The following RAD54B variants were observed in gnomAD, a reference collection of about 807,000 sequenced individuals.
RAD54B encodes RAD54 homolog B, also known as DNA repair and recombination protein RAD54B.
In RAD54B, 78 loss-of-function variants were observed where a neutral mutation model predicts 95.8. That is an observed-to-expected ratio of 0.81 (90% CI 0.68 to 0.98). The LOEUF is 0.98. RAD54B is among the 50% of genes least tolerant of loss of function. The probability of loss-of-function intolerance (pLI) is 0.00; values close to 1 mark genes in which losing one functional copy is unlikely to be tolerated. For synonymous variants in RAD54B, 328 were observed against 354.9 expected (o/e 0.92, Z 0.85); for missense variants, 957 against 1,056.6 (o/e 0.91, Z 1.31).
At chr8:94,446,768 G>A (rs1478185748) in intron 3 of RAD54B, among the ~76,000 whole-genome samples, 1 of 152,104 alleles carries the variant, frequency 6.6e-6, no homozygotes, top group Non-Finnish European at 1.5e-5. Flanking sequence ...GTGGCAGGAG[G>A]AGCCAGACCC....
intron 2 of RAD54B, among the ~76,000 whole-genome samples, chr8:94,459,984 C>T (rs962939103): frequency 4.0e-5 from 6 of 151,208 alleles, no homozygotes; most frequent in African/African-American, 1.5e-4. Context: ...TGGTGAAACC[C>T]GGTCTCTACT....
chr8:94,436,541 G>A (rs779188605), intron 3 of RAD54B: 25 of 1,550,012 alleles, frequency 1.6e-5, no homozygotes, highest in Non-Finnish European at 1.9e-5. Flanking sequence ...CTGGAAATCT[G>A]GGGAATCATC....
At position 94,446,110 on chromosome 8, in the gene RAD54B, T is replaced by C. The variant is rs554973479; in HGVS notation, c.304+12158A>G. Among the ~76,000 whole-genome samples, 7 of 152,296 alleles carry C rather than the reference T, an allele frequency of 4.6e-5. No individual in the cohort carries two copies. In the South Asian group the frequency reaches 1.4e-3, roughly 32 times the overall value. ...ACATAGCAAGTAGTGTATTTTAAAGTCTTTAGCCATTAAAAATGTGCAAAG... is the reference window on the plus strand; with the variant it reads ...ACATAGCAAGTAGTGTATTTTAAAGCCTTTAGCCATTAAAAATGTGCAAAG... On this transcript the variant is annotated intron_variant, in intron 3 of 14. Coordinates refer to ENST00000336148, the MANE Select transcript of RAD54B (RefSeq NM_012415.3).
chr8:94,399,459 T>C lies in RAD54B; in HGVS notation c.1333A>G (p.Thr445Ala). Residue 445 changes from threonine (T) to alanine (A), a missense_variant, in exon 8 of 15, where the codon ACA (threonine) becomes GCA (alanine). By Grantham distance (58) the Thr-to-Ala change is moderately conservative. Coordinates refer to ENST00000336148, the MANE Select transcript of RAD54B (RefSeq NM_012415.3). ...TCACAAGAAAGGCTAATGAGGGCTG[T>C]AGTTGTCTTAATGGCACTGTTCTTC... ...RLKNSAIKTT[T>A]ALISLSCEKR... 6.2e-7 allele frequency: 1 copy of C among 1,613,674 alleles called. No homozygotes were observed. The highest frequency in any genetic ancestry group is 8.5e-7 in the Non-Finnish European group (1 of 1,179,680).
At chr8:94,405,405 G>A (rs73271911) in intron 5 of RAD54B, among the ~76,000 whole-genome samples, 20,400 of 152,122 alleles carry the variant, frequency 0.13, 1,971 homozygotes, top group African/African-American at 0.26. Flanking sequence ...ATAGACTCCA[G>A]TAGACTATGT....
chr8:94,378,095 TAA>T, intron 14 of RAD54B, 83 bp downstream of exon 14: 1 of 1,056,446 alleles, frequency 9.5e-7, no homozygotes, highest in Admixed American at 3.1e-5. Context: ...GTAAATATTA[TAA>T]AGTTATTCTT....
intron 3 of RAD54B, among the ~76,000 whole-genome samples, chr8:94,436,119 T>C (rs1264260957): frequency 6.6e-6 from 1 of 152,116 alleles, no homozygotes; most frequent in African/African-American, 2.4e-5. Context: ...TTATATAAAA[T>C]TGAAAATTCC....
intron 14 of RAD54B, 105 bp downstream of exon 14, chr8:94,378,075 T>C: frequency 1.2e-6 from 1 of 816,494 alleles, no homozygotes; most frequent in Non-Finnish European, 1.8e-6. Flanking sequence ...AAAACTAACA[T>C]ATGCAAATGG....
chr8:94,437,899 A>G (rs1241634924), intron 3 of RAD54B, among the ~76,000 whole-genome samples: 4 of 152,228 alleles, frequency 2.6e-5, no homozygotes, highest in Non-Finnish European at 5.9e-5. Flanking sequence ...TATGATACAT[A>G]ATAATGTAAG....
chr8:94,455,932 A>C (rs1812769368), intron 3 of RAD54B, among the ~76,000 whole-genome samples: 1 of 152,174 alleles, frequency 6.6e-6, no homozygotes, highest in Non-Finnish European at 1.5e-5. Context: ...ATTTCCAAAT[A>C]AGTTCACATT....
rs1286174654 is a variant in RAD54B at position 94,475,077 on chromosome 8, A to C, written c.-93T>G. 3.3e-5 allele frequency: 5 copies of C among 152,584 alleles called. No individual in the cohort carries two copies. Among genetic ancestry groups the C allele is most frequent in the African/African-American group, 1.2e-4 (5 of 41,482 alleles). The allele number at this position is 152,584 out of a possible 1,614,324, so 9.5% of individuals were successfully genotyped here. A position where few individuals can be genotyped will look rare whatever the true frequency, so the allele number is the denominator to read the frequency against. Reference sequence around the variant, plus strand: ...ACCAGCTATCCCCTCGCCGCCGGAGAAGCTCAAGGATCCCGCCTCGGCGAA... The same window carrying C: ...ACCAGCTATCCCCTCGCCGCCGGAGCAGCTCAAGGATCCCGCCTCGGCGAA... On this transcript the variant is annotated 5_prime_UTR_variant, in exon 1 of 15. Coordinates refer to ENST00000336148, the MANE Select transcript of RAD54B (RefSeq NM_012415.3).
intron 9 of RAD54B, among the ~76,000 whole-genome samples, chr8:94,393,001 T>C (rs928182446): frequency 1.3e-5 from 2 of 151,204 alleles, no homozygotes; most frequent in African/African-American, 4.9e-5. Context: ...TTTTTGTATT[T>C]TTAGTAGAGA....
intron 3 of RAD54B, chr8:94,430,877 A>T: frequency 1.0e-6 from 1 of 985,388 alleles, no homozygotes; most frequent in Non-Finnish European, 1.2e-6. Context: ...CTACAGCCCA[A>T]ATTGACTCTC....
chr8:94,435,402 G>A (rs970850831), intron 3 of RAD54B, among the ~76,000 whole-genome samples: 6 of 151,954 alleles, frequency 3.9e-5, no homozygotes, highest in Admixed American at 2.0e-4. Context: ...GCTACAAAGT[G>A]GTTTTTTTCT....
At chr8:94,427,867 G>T (rs932389155) in intron 3 of RAD54B, 9 of 957,776 alleles carry the variant, frequency 9.4e-6, no homozygotes, top group Admixed American at 6.2e-5. Context: ...GAAGGCACAT[G>T]AAAAAAACTC....
At chr8:94,390,527 TAAAC>T (rs1243483157) in intron 10 of RAD54B, among the ~76,000 whole-genome samples, 4 of 148,502 alleles carry the variant, frequency 2.7e-5, no homozygotes, top group African/African-American at 9.8e-5. Context: ...AACAAATAAA[TAAAC>T]AGCATCACTA....
At chr8:94,378,425 C>A in intron 13 of RAD54B, 45 bp from the exon 14 acceptor site, 2 of 1,554,938 alleles carry the variant, frequency 1.3e-6, no homozygotes, top group South Asian at 2.3e-5. Context: ...TCTTTATGTT[C>A]ATTATTTTTG....
At chr8:94,423,342 A>G (rs1811868408) in intron 3 of RAD54B, among the ~76,000 whole-genome samples, 1 of 152,212 alleles carries the variant, frequency 6.6e-6, no homozygotes, top group African/African-American at 2.4e-5. Flanking sequence ...AGATCGCGCC[A>G]CTGCACTCCA....
At chr8:94,430,839 A>G (rs1482618343) in intron 3 of RAD54B, 1 of 985,472 alleles carries the variant, frequency 1.0e-6, no homozygotes, top group Non-Finnish European at 1.2e-6. Context: ...TACCTAGTCC[A>G]GGGAGATGTC....
Sources: allele counts gnomAD v4.1 joint callset (sites outside exome capture counted in the v4.1 genomes callset), GRCh38; gene constraint gnomAD v4.1.1; transcripts MANE v1.5; gene names NCBI Gene and HGNC (gene_info 2026-07-23, HGNC 2026-07-21).